Variants in ZNF782 observed in about 807,000 individuals in gnomAD.
ZNF782 encodes the protein zinc finger protein 782.
In ZNF782, 12 loss-of-function variants were observed where a neutral mutation model predicts 13.0. The ratio of observed to expected loss-of-function variants is 0.92; its 90% CI spans 0.59 to 1.50. The LOEUF is 1.50. Ranked by LOEUF, ZNF782 falls within the 40% of genes most tolerant of loss-of-function variation. The pLI, the probability that ZNF782 is intolerant of heterozygous loss-of-function variation, is 0.00. For synonymous variants in ZNF782, 284 were observed against 283.0 expected (o/e 1.00, Z -0.04); for missense variants, 770 against 822.9 (o/e 0.94, Z 0.79).
At chr9:96,884,246 G>A in the ZNF782 span, among the ~76,000 whole-genome samples, 43 of 152,306 alleles carry the variant, frequency 2.8e-4, no homozygotes, top group Non-Finnish European at 5.7e-4. Flanking sequence ...TAGTGTCAGT[G>A]GGGTCAAACA....
chr9:96,853,827 A>T (rs1314726998), intron 1 of ZNF782, among the ~76,000 whole-genome samples: 1 of 152,206 alleles, frequency 6.6e-6, no homozygotes, highest in African/African-American at 2.4e-5. Context: ...AGCCTCAGTT[A>T]TATTTAATGC....
At chr9:96,866,716 G>C (rs1851758147) in intron 1 of ZNF782, among the ~76,000 whole-genome samples, 2 of 152,364 alleles carry the variant, frequency 1.3e-5, no homozygotes, top group Admixed American at 1.3e-4. Context: ...CATGAAGGCA[G>C]CTAGGAGGGG....
chr9:96,877,692 C>T (rs1238544177), upstream of ZNF782, among the ~76,000 whole-genome samples: 1 of 152,162 alleles, frequency 6.6e-6, no homozygotes, highest in African/African-American at 2.4e-5. Flanking sequence ...GGCAAAGTCC[C>T]GGGACAGCGG....
At chr9:96,926,615 A>G in the ZNF782 span, among the ~76,000 whole-genome samples, 1 of 151,684 alleles carries the variant, frequency 6.6e-6, no homozygotes, top group African/African-American at 2.4e-5. Flanking sequence ...TCGCTGGACC[A>G]TTCAGTTTTA....
intron 1 of ZNF782, among the ~76,000 whole-genome samples, chr9:96,862,010 C>CGAT (rs370383544): frequency 6.6e-6 from 1 of 152,242 alleles, no homozygotes; most frequent in East Asian, 1.9e-4. Flanking sequence ...GGAAGCATCC[C>CGAT]GAGTGTCCAT....
intron 5 of ZNF782, 34 bp from the exon 6 acceptor site, chr9:96,819,812 A>G (rs749530665): frequency 6.7e-7 from 1 of 1,489,980 alleles, no homozygotes; most frequent in Non-Finnish European, 9.0e-7. Flanking sequence ...ACTTTATGAT[A>G]TTTAACACAT....
the ZNF782 span, among the ~76,000 whole-genome samples, chr9:96,933,079 G>A: frequency 2.0e-5 from 3 of 149,748 alleles, no homozygotes; most frequent in Middle Eastern, 3.5e-3. Flanking sequence ...CCAGGTTCAC[G>A]TCATTCTCCT....
chr9:96,883,631 G>A, the ZNF782 span, among the ~76,000 whole-genome samples: 1 of 152,160 alleles, frequency 6.6e-6, no homozygotes, highest in Admixed American at 6.5e-5. Flanking sequence ...AGTTTGAAAG[G>A]CTTTTCACAC....
At chr9:96,852,467 T>C (rs1248849630) in intron 2 of ZNF782, among the ~76,000 whole-genome samples, 1 of 152,124 alleles carries the variant, frequency 6.6e-6, no homozygotes, top group Non-Finnish European at 1.5e-5. Flanking sequence ...TGGCATGACC[T>C]TGTCTCTACA....
At chr9:96,916,548 A>C in the ZNF782 span, among the ~76,000 whole-genome samples, 4 of 152,028 alleles carry the variant, frequency 2.6e-5, no homozygotes, top group African/African-American at 9.7e-5. Context: ...AAAAAGAAAA[A>C]CACCACCAAA....
intron 2 of ZNF782, among the ~76,000 whole-genome samples, chr9:96,852,251 C>T (rs1054529787): frequency 5.3e-5 from 8 of 152,230 alleles, no homozygotes; most frequent in Admixed American, 2.0e-4. Flanking sequence ...ATTGATTTAA[C>T]AATGCACATG....
At chr9:96,856,733 C>CAA (rs200044626), upstream of ZNF782, among the ~76,000 whole-genome samples, 13,203 of 152,206 alleles carry the variant, frequency 0.087, 1,461 homozygotes, top group African/African-American at 0.26. Flanking sequence ...TCATGAGTAA[C>CAA]CCTGCTTAGC....
chr9:96,819,408 A>G lies in ZNF782; in HGVS notation c.615T>C (p.His205=), dbSNP rs780940155. The G allele has an allele frequency of 1.9e-6, 3 of 1,610,078 alleles. No homozygotes were observed. The Admixed American group carries it at 5.1e-5, about 27-fold the overall frequency. The change falls in exon 6 of 6, where the codon CAT becomes CAC. Residue 205 remains histidine, a synonymous_variant. Transcript: ENST00000481138. ...TLHHKEEVIQ[H]QTIQTLGQDF... ...CTTGCCCCAGAGTCTGAATTGTCTG[A>G]TGTTGAATAACTTCCTCCTTATGAT...
the ZNF782 span, among the ~76,000 whole-genome samples, chr9:96,910,577 C>T: frequency 7.6e-6 from 1 of 130,958 alleles, no homozygotes; most frequent in Non-Finnish European, 1.6e-5. Context: ...CCAACCTAAA[C>T]CGTAAGAATT....
chr9:96,897,590 C>T, the ZNF782 span, among the ~76,000 whole-genome samples: 6 of 150,894 alleles, frequency 4.0e-5, no homozygotes, highest in South Asian at 1.3e-3. Flanking sequence ...GAGTTCTCTG[C>T]TCTTGAATGT....
rs778885325 is a variant in ZNF782, at chr9:96,818,460, C to G, written c.1563G>C (p.Leu521=). ...CTGTGTGTGTTCTATGATGTTTCCT[C>G]AGGCCTGACTTCAGTTTGAAAGCTT... ...CGKAFKLKSG[L]RKHHRTHTGE... The change falls in exon 6 of 6, where the codon CTG becomes CTC. Residue 521 remains leucine, a synonymous_variant. Coordinates refer to ENST00000481138, the MANE Select transcript of ZNF782 (RefSeq NM_001001662.3). 5 of 1,613,388 alleles carry G rather than the reference C, an allele frequency of 3.1e-6. No homozygotes were observed. The highest frequency in any genetic ancestry group is 4.2e-6 in the Non-Finnish European group (5 of 1,179,854).
the ZNF782 span, chr9:96,892,359 C>G: frequency 1.3e-5 from 2 of 152,190 alleles, no homozygotes; most frequent in East Asian, 3.8e-4. Flanking sequence ...GTGGAGTTCA[C>G]GCTGCTGTGA....
chr9:96,888,145 G>A, the ZNF782 span: 1 of 149,918 alleles, frequency 6.7e-6, no homozygotes. Flanking sequence ...TTGTGCACAT[G>A]TACCCTAAAA....
At chr9:96,863,357 A>T (rs1473962883) in intron 1 of ZNF782, among the ~76,000 whole-genome samples, 3 of 152,178 alleles carry the variant, frequency 2.0e-5, no homozygotes, top group South Asian at 2.1e-4. Flanking sequence ...AAATAAAAAA[A>T]AAAAAATACA....
Sources: allele counts gnomAD v4.1 joint callset (sites outside exome capture counted in the v4.1 genomes callset), GRCh38; gene constraint gnomAD v4.1.1; transcripts MANE v1.5; gene names NCBI Gene and HGNC (gene_info 2026-07-23, HGNC 2026-07-21).